Variants in VSTM4 observed in about 807,000 individuals in gnomAD.
VSTM4 encodes V-set and transmembrane domain-containing protein 4.
VSTM4 carries 20 observed loss-of-function variants against 36.4 expected under a neutral mutation model. That is an observed-to-expected ratio of 0.55 (90% CI 0.39 to 0.80). The LOEUF is 0.80. Ranked by LOEUF, VSTM4 falls within the 30% of genes least tolerant of loss-of-function variation. The pLI, the probability that VSTM4 is intolerant of heterozygous loss-of-function variation, is 0.00. For synonymous variants in VSTM4, 182 were observed against 173.9 expected (o/e 1.05, Z -0.37); for missense variants, 392 against 404.5 (o/e 0.97, Z 0.26).
At chr10:49,114,585 G>GGT (rs113902722) in intron 1 of VSTM4, among the ~76,000 whole-genome samples, 1 of 142,338 alleles carries the variant, frequency 7.0e-6, no homozygotes, top group Non-Finnish European at 1.5e-5. Context: ...CCAAGTTCAT[G>GGT]TTTTTTTTTT....
chr10:49,071,120 C>T (rs1370689139), intron 4 of VSTM4, among the ~76,000 whole-genome samples: 1 of 152,184 alleles, frequency 6.6e-6, no homozygotes, highest in Non-Finnish European at 1.5e-5. Context: ...GTTTCCAGTT[C>T]TAGCACAATC....
At chr10:49,051,949 T>C (rs1030337941) in intron 5 of VSTM4, among the ~76,000 whole-genome samples, 3 of 49,602 alleles carry the variant, frequency 6.0e-5, no homozygotes, top group Non-Finnish European at 9.9e-5. Flanking sequence ...ATCTAAATTT[T>C]TCATATTTAT....
chr10:49,024,763 C>T (rs114332650), intron 7 of VSTM4, among the ~76,000 whole-genome samples: 2 of 152,240 alleles, frequency 1.3e-5, no homozygotes, highest in African/African-American at 4.8e-5. Context: ...CATATGTGCA[C>T]GTTCTGAATG....
chr10:49,088,263 G>A (rs987686975), intron 2 of VSTM4, among the ~76,000 whole-genome samples: 1 of 152,216 alleles, frequency 6.6e-6, no homozygotes, highest in South Asian at 2.1e-4. Flanking sequence ...TTGCCTGGCA[G>A]CTGATAGGTG....
At chr10:49,114,398 A>G (rs529580904) in intron 1 of VSTM4, among the ~76,000 whole-genome samples, 2 of 152,290 alleles carry the variant, frequency 1.3e-5, no homozygotes, top group Admixed American at 1.3e-4. Context: ...ATGGCAACAC[A>G]GTTTAGTGGT....
intron 2 of VSTM4, among the ~76,000 whole-genome samples, chr10:49,100,536 A>G (rs1335139157): frequency 6.6e-6 from 1 of 152,194 alleles, no homozygotes; most frequent in Non-Finnish European, 1.5e-5. Flanking sequence ...AAATATAATA[A>G]AAATGTTCGA....
chr10:49,056,130 C>T (rs1226700043), intron 5 of VSTM4, among the ~76,000 whole-genome samples: 2 of 152,252 alleles, frequency 1.3e-5, no homozygotes, highest in Non-Finnish European at 2.9e-5. Context: ...GTCCACAGTG[C>T]CCCCATGACC....
chr10:49,068,574 C>T (rs1446716810), intron 4 of VSTM4, among the ~76,000 whole-genome samples: 1 of 152,180 alleles, frequency 6.6e-6, no homozygotes, highest in Admixed American at 6.5e-5. Context: ...TGATTCTGGA[C>T]ATCAAAGATG....
intron 4 of VSTM4, among the ~76,000 whole-genome samples, chr10:49,074,777 T>C (rs1277255344): frequency 6.6e-6 from 1 of 152,194 alleles, no homozygotes; most frequent in Non-Finnish European, 1.5e-5. Flanking sequence ...AAAATTCCCT[T>C]GGCAAGGTCA....
rs146776172 is a variant in VSTM4 at position 49,100,024 on chromosome 10, A to G, written c.457+7570T>C. Among the ~76,000 whole-genome samples the G allele has an allele frequency of 5.2e-3, 788 of 152,338 alleles. 10 individuals are homozygous for G. Among genetic ancestry groups the G allele is most frequent in the South Asian group, 0.039 (187 of 4,826 alleles). ...GAGCCAGACTCCGTGAAAAAGGAAA[A>G]AGAAAAAGAAAAAGGAAGGAAAAGG... On this transcript the variant is annotated intron_variant, in intron 2 of 7. Transcript: ENST00000332853.
At chr10:49,108,100 T>C in intron 1 of VSTM4, 105 bp from the exon 2 acceptor site, 1 of 1,393,660 alleles carries the variant, frequency 7.2e-7, no homozygotes, top group Non-Finnish European at 9.5e-7. Flanking sequence ...CTGGGCATCC[T>C]AGTGCTCTGC....
intron 3 of VSTM4, among the ~76,000 whole-genome samples, chr10:49,082,418 C>T (rs762803730): frequency 9.8e-5 from 15 of 152,326 alleles, no homozygotes; most frequent in Non-Finnish European, 1.6e-4. Flanking sequence ...AATCCTAACA[C>T]TGTGGGAGGC....
In VSTM4 at chr10:49,107,850, G is replaced by A; in HGVS notation, c.201C>T (p.Ser67=). 1.2e-6 allele frequency: 2 copies of A among 1,614,242 alleles called. No individual in the cohort carries two copies. The highest frequency in any genetic ancestry group is 1.7e-5 in the Admixed American group (1 of 60,034). ...LLAVRWFFAH[S]FDSQEALMVK... is the part of the protein sequence containing the mutation. ...CCATCAAGGCCTCCTGGGAGTCGAA[G>A]GAGTGTGCAAAGAACCAGCGCACGG... The change falls in exon 2 of 8, where the codon TCC becomes TCT. Residue 67 remains serine, a synonymous_variant. Transcript: ENST00000332853.
intron 1 of VSTM4, among the ~76,000 whole-genome samples, chr10:49,114,882 G>C (rs1000556272): frequency 5.3e-5 from 8 of 152,276 alleles, no homozygotes; most frequent in African/African-American, 1.4e-4. Context: ...TGGTGGAGAG[G>C]CGTCGCTGCA....
At chr10:49,108,603 G>A (rs2132028647) in intron 1 of VSTM4, among the ~76,000 whole-genome samples, 1 of 152,294 alleles carries the variant, frequency 6.6e-6, no homozygotes, top group Admixed American at 6.5e-5. Context: ...GGGACAACAG[G>A]GGTTGCTTGG....
chr10:49,065,762 T>C (rs1352541680), intron 4 of VSTM4, among the ~76,000 whole-genome samples: 2 of 152,164 alleles, frequency 1.3e-5, no homozygotes, highest in Non-Finnish European at 2.9e-5. Context: ...ACCTGTGGAA[T>C]TGAGAGCAGA....
At chr10:49,057,618 C>A (rs1843803893) in intron 5 of VSTM4, among the ~76,000 whole-genome samples, 1 of 152,214 alleles carries the variant, frequency 6.6e-6, no homozygotes, top group Admixed American at 6.5e-5. Context: ...CCACTCCCAC[C>A]CCTGCCTGGA....
At chr10:49,082,271 C>T (rs565889557) in intron 3 of VSTM4, among the ~76,000 whole-genome samples, 30 of 152,248 alleles carry the variant, frequency 2.0e-4, no homozygotes, top group Non-Finnish European at 3.5e-4. Flanking sequence ...TCAGACTAGG[C>T]CAAATAATGC....
intron 3 of VSTM4, among the ~76,000 whole-genome samples, chr10:49,082,927 G>A (rs1450319029): frequency 6.6e-6 from 1 of 152,210 alleles, no homozygotes; most frequent in Non-Finnish European, 1.5e-5. Context: ...AGACTGGGGT[G>A]CATAATGTCA....
Sources: allele counts gnomAD v4.1 joint callset (sites outside exome capture counted in the v4.1 genomes callset), GRCh38; gene constraint gnomAD v4.1.1; transcripts MANE v1.5; gene names NCBI Gene and HGNC (gene_info 2026-07-23, HGNC 2026-07-21).